Variants in STK39 observed in about 807,000 individuals in gnomAD.
STK39 encodes the protein STE20/SPS1-related proline-alanine-rich protein kinase.
A neutral mutation model predicts 77.8 loss-of-function variants in STK39; 20 were observed. The observed-to-expected ratio is 0.26, with a 90% CI of 0.18 to 0.37. The LOEUF (loss-of-function observed/expected upper bound fraction) is 0.37, where lower values mean the gene tolerates loss of function less well. STK39 is among the 10% of genes least tolerant of loss of function. STK39 has a pLI of 1.00. For missense variants in STK39, 479 were observed against 656.5 expected (o/e 0.73, Z 2.95); for synonymous variants, 246 against 234.1 (o/e 1.05, Z -0.47).
At chr2:168,123,262 T>C (rs1422507554) in intron 10 of STK39, among the ~76,000 whole-genome samples, 1 of 152,240 alleles carries the variant, frequency 6.6e-6, no homozygotes, top group Non-Finnish European at 1.5e-5. Context: ...TCAATAATTC[T>C]GAACTGAATC....
At chr2:168,184,192 C>G (rs533668007) in intron 1 of STK39, among the ~76,000 whole-genome samples, 1 of 152,322 alleles carries the variant, frequency 6.6e-6, no homozygotes, top group South Asian at 2.1e-4. Flanking sequence ...AAGTCCTTGA[C>G]AGTAAAAGTC....
At chr2:168,051,733 A>C (rs1255067919) in intron 14 of STK39, among the ~76,000 whole-genome samples, 2 of 152,208 alleles carry the variant, frequency 1.3e-5, no homozygotes, top group African/African-American at 4.8e-5. Flanking sequence ...AATTACAGGC[A>C]CAAGCCACAG....
At chr2:168,125,849 C>T (rs1687526568) in intron 10 of STK39, among the ~76,000 whole-genome samples, 1 of 152,144 alleles carries the variant, frequency 6.6e-6, no homozygotes, top group Non-Finnish European at 1.5e-5. Context: ...AATTATGTGG[C>T]TCCCAACAAA....
chr2:168,040,376 G>C (rs148802551), intron 14 of STK39, among the ~76,000 whole-genome samples: 1 of 152,154 alleles, frequency 6.6e-6, no homozygotes, highest in African/African-American at 2.4e-5. Flanking sequence ...GTTGAAAAGC[G>C]TCATAGCAGA....
At chr2:168,012,943 T>C (rs1684308403) in intron 15 of STK39, among the ~76,000 whole-genome samples, 1 of 152,220 alleles carries the variant, frequency 6.6e-6, no homozygotes. Context: ...TTTGGCGAAC[T>C]AAAAAACTTG....
chr2:168,204,779 T>C (rs1455526257), intron 1 of STK39, among the ~76,000 whole-genome samples: 1 of 152,232 alleles, frequency 6.6e-6, no homozygotes, highest in Admixed American at 6.5e-5. Flanking sequence ...TTTTGTGCTA[T>C]CTCAAATGCT....
chr2:168,166,583 A>G (rs748618087), intron 3 of STK39, among the ~76,000 whole-genome samples: 14 of 152,350 alleles, frequency 9.2e-5, no homozygotes, highest in Non-Finnish European at 1.5e-4. Flanking sequence ...GCCAAGTTCA[A>G]TGAATTCAAA....
At chr2:168,164,402 T>C (rs10210662) in intron 3 of STK39, among the ~76,000 whole-genome samples, 17,651 of 152,054 alleles carry the variant, frequency 0.12, 2,069 homozygotes, top group East Asian at 0.31. Flanking sequence ...TTATTTTCTT[T>C]CCTTCTTTTT....
chr2:168,220,627 C>T lies in STK39; in HGVS notation c.208+26601G>A, dbSNP rs561852484. Among the ~76,000 whole-genome samples, 5 of 152,234 alleles carry T rather than the reference C, an allele frequency of 3.3e-5. No homozygotes were observed. The East Asian group carries it at 9.6e-4, about 29-fold the overall frequency. On this transcript the variant is annotated intron_variant, in intron 1 of 17. Transcript: ENST00000355999. ...TCAACGCCAAAAGAGATGTCAAAAT[C>T]AAAGGCAAGTCATTTCAATTGCATC...
Position 167,996,779 on chromosome 2 carries a change from A to G in STK39, c.1498+15855T>C, listed in dbSNP as rs75855261. 9.9e-3 allele frequency among the ~76,000 whole-genome samples: 1,515 copies of G among 152,280 alleles called. 32 individuals carry two copies. The highest frequency in any genetic ancestry group is 0.035 in the African/African-American group (1,458 of 41,538). ...ATTCTTGTTATCAAGTATCAAAGAA[A>G]GAGGTAAGTGTTTGGCAAAGAAACT... On this transcript the variant is annotated intron_variant, in intron 16 of 17. Transcript: ENST00000355999.
At chr2:168,084,953 T>C (rs1480663106) in intron 10 of STK39, among the ~76,000 whole-genome samples, 3 of 152,158 alleles carry the variant, frequency 2.0e-5, no homozygotes, top group African/African-American at 7.2e-5. Context: ...CTGCATTAAA[T>C]AACAGGGATT....
intron 12 of STK39, among the ~76,000 whole-genome samples, chr2:168,074,094 A>C (rs1023200245): frequency 2.0e-5 from 3 of 152,130 alleles, no homozygotes; most frequent in African/African-American, 7.2e-5. Context: ...GAAGAGGAGA[A>C]GAAAGGGTGG....
At chr2:168,005,233 T>C (rs1684100509) in intron 16 of STK39, among the ~76,000 whole-genome samples, 1 of 152,016 alleles carries the variant, frequency 6.6e-6, no homozygotes, top group Admixed American at 6.6e-5. Flanking sequence ...CTCAAACTCC[T>C]GACATCAAGT....
chr2:168,114,188 T>A (rs556719608), intron 10 of STK39, among the ~76,000 whole-genome samples: 2 of 152,346 alleles, frequency 1.3e-5, no homozygotes, highest in African/African-American at 4.8e-5. Context: ...AGAACAGTTT[T>A]ATCTAAAGCA....
intron 10 of STK39, among the ~76,000 whole-genome samples, chr2:168,108,384 C>CA (rs938931575): frequency 6.6e-6 from 1 of 151,782 alleles, no homozygotes; most frequent in South Asian, 2.1e-4. Flanking sequence ...CCTGTTTCTA[C>CA]AAAAAATACA....
At chr2:168,141,261 T>C (rs1219136125) in intron 5 of STK39, among the ~76,000 whole-genome samples, 1 of 152,216 alleles carries the variant, frequency 6.6e-6, no homozygotes, top group African/African-American at 2.4e-5. Context: ...CCGGAAATGC[T>C]TGCGACCAGA....
chr2:168,229,441 C>A (rs1342757613), intron 1 of STK39, among the ~76,000 whole-genome samples: 1 of 151,028 alleles, frequency 6.6e-6, no homozygotes, highest in Non-Finnish European at 1.5e-5. Flanking sequence ...TCTATTATTT[C>A]TAAACAAAAC....
At chr2:168,005,283 G>A (rs1684102605) in intron 16 of STK39, among the ~76,000 whole-genome samples, 1 of 152,002 alleles carries the variant, frequency 6.6e-6, no homozygotes, top group South Asian at 2.1e-4. Context: ...TAGGATTACA[G>A]GTGTGAGCTA....
intron 10 of STK39, among the ~76,000 whole-genome samples, chr2:168,087,439 T>C (rs761032771): frequency 6.6e-5 from 10 of 152,190 alleles, no homozygotes; most frequent in Non-Finnish European, 1.2e-4. Context: ...AAGTCCATAA[T>C]TGACTTTAAG....
Sources: allele counts gnomAD v4.1 joint callset (sites outside exome capture counted in the v4.1 genomes callset), GRCh38; gene constraint gnomAD v4.1.1; transcripts MANE v1.5; gene names NCBI Gene and HGNC (gene_info 2026-07-23, HGNC 2026-07-21).